NCKAP5: variants seen among roughly 807,000 people sequenced by gnomAD.
The protein encoded by NCKAP5 is NCK associated protein 5, also known as nck-associated protein 5.
A neutral mutation model predicts 167.0 loss-of-function variants in NCKAP5; 92 were observed. The observed-to-expected ratio is 0.55, with a 90% CI of 0.47 to 0.66. The LOEUF (loss-of-function observed/expected upper bound fraction) is 0.66, where lower values mean the gene tolerates loss of function less well. NCKAP5 is among the 30% of genes least tolerant of loss of function. The pLI is 0.00. For synonymous variants in NCKAP5, 891 were observed against 877.4 expected (o/e 1.02, Z -0.27); for missense variants, 2,378 against 2,315.0 (o/e 1.03, Z -0.56).
At position 133,166,747 on chromosome 2, in the gene NCKAP5, C is replaced by G. The variant is rs7566039; in HGVS notation, c.208-36636G>C. On this transcript the variant is annotated intron_variant, in intron 5 of 19. Coordinates refer to ENST00000409261, the MANE Select transcript of NCKAP5 (RefSeq NM_207363.3). The stretch of plus-strand genomic sequence containing the variant: ...GTCTTGGACTGTCTTTAAAATTCAT[C>G]ACATACATAAACTGAAAAACTGAAC... 7.7e-3 allele frequency among the ~76,000 whole-genome samples: 1,168 copies of G among 152,282 alleles called. 10 individuals carry two copies. Among genetic ancestry groups the G allele is most frequent in the African/African-American group, 0.027 (1,104 of 41,558 alleles).
At chr2:133,109,917 A>G (rs576095493) in intron 6 of NCKAP5, among the ~76,000 whole-genome samples, 150 of 152,368 alleles carry the variant, frequency 9.8e-4, no homozygotes, top group Non-Finnish European at 1.9e-3. Context: ...ATGGGCATTC[A>G]AGTAAATAAA....
At chr2:133,315,151 G>T (rs1311361496) in intron 3 of NCKAP5, among the ~76,000 whole-genome samples, 2 of 152,124 alleles carry the variant, frequency 1.3e-5, no homozygotes, top group African/African-American at 4.8e-5. Flanking sequence ...GTCTTGAATG[G>T]ATCCTTCTGG....
chr2:133,219,193 A>AC (rs2086555516), intron 4 of NCKAP5, among the ~76,000 whole-genome samples: 1 of 152,194 alleles, frequency 6.6e-6, no homozygotes, highest in Non-Finnish European at 1.5e-5. Flanking sequence ...GGTGATGCAA[A>AC]CATGGAAAAT....
At position 133,474,431 on chromosome 2, in the gene NCKAP5, G is replaced by A. The variant is rs138375093; in HGVS notation, c.69+43027C>T. Among the ~76,000 whole-genome samples the A allele has an allele frequency of 1.7e-3, 254 of 152,270 alleles. 3 individuals carry two copies. Among genetic ancestry groups the A allele is most frequent in the African/African-American group, 5.9e-3 (245 of 41,548 alleles). ...GGCAAGGATTGAGGAGATATTAGTC[G>A]AAGGACATAGAATTTCACTTAGACT... On this transcript the variant is annotated intron_variant, in intron 3 of 19. Transcript: ENST00000409261.
chr2:133,395,272 A>G (rs550434914), intron 3 of NCKAP5, among the ~76,000 whole-genome samples: 1 of 152,318 alleles, frequency 6.6e-6, no homozygotes, highest in South Asian at 2.1e-4. Flanking sequence ...AATTAACTCA[A>G]TGTCATCCAG....
At chr2:132,909,679 T>C (rs1237670211) in intron 8 of NCKAP5, among the ~76,000 whole-genome samples, 2 of 152,202 alleles carry the variant, frequency 1.3e-5, no homozygotes, top group South Asian at 2.1e-4. Flanking sequence ...TCCATTGGGA[T>C]AATTACTCCA....
intron 16 of NCKAP5, among the ~76,000 whole-genome samples, chr2:132,765,134 T>G (rs1043061675): frequency 3.3e-5 from 5 of 152,204 alleles, no homozygotes; most frequent in Non-Finnish European, 7.3e-5. Context: ...CATATGGTAG[T>G]GGCAAATTAA....
At position 133,303,864 on chromosome 2, in the gene NCKAP5, G is replaced by A. The variant is rs908192545; in HGVS notation, c.70-754C>T. Among the ~76,000 whole-genome samples the A allele has an allele frequency of 9.9e-5, 15 of 152,176 alleles. No individual in the cohort carries two copies. The East Asian group carries it at 2.9e-3, about 29-fold the overall frequency. On this transcript the variant is annotated intron_variant, in intron 3 of 19. Transcript: ENST00000409261. Reference sequence around the variant, plus strand: ...GATTTAATTTGTGATTTCTGCATACGAGGCTCATATGCAATGGTGTTTCCT... The same window carrying A: ...GATTTAATTTGTGATTTCTGCATACAAGGCTCATATGCAATGGTGTTTCCT...
intron 3 of NCKAP5, among the ~76,000 whole-genome samples, chr2:133,326,938 A>ACTGCTGCTG (rs149209722): frequency 2.0e-5 from 3 of 152,136 alleles, no homozygotes; most frequent in African/African-American, 7.2e-5. Flanking sequence ...CATACTCGCA[A>ACTGCTGCTG]CTGCTGCTGC....
Position 133,222,887 on chromosome 2 carries a change from T to C in NCKAP5, c.144-9108A>G, listed in dbSNP as rs549245819. ...GAACTTGTGCCTCTGTAGCTACCAT[T>C]GCCTGTTACCACTGTCTCTACTGCC... On this transcript the variant is annotated intron_variant, in intron 4 of 19. Coordinates refer to ENST00000409261, the MANE Select transcript of NCKAP5 (RefSeq NM_207363.3). 9.8e-5 allele frequency among the ~76,000 whole-genome samples: 15 copies of C among 152,342 alleles called. No individual in the cohort carries two copies. The South Asian group carries it at 3.1e-3, about 32-fold the overall frequency.
intron 4 of NCKAP5, among the ~76,000 whole-genome samples, chr2:133,221,291 C>G (rs980936302): frequency 6.6e-6 from 1 of 152,164 alleles, no homozygotes; most frequent in South Asian, 2.1e-4. Flanking sequence ...CCATAATACT[C>G]TCCATACAAA....
chr2:132,793,122 G>A (rs1328376734), intron 12 of NCKAP5, among the ~76,000 whole-genome samples: 1 of 152,202 alleles, frequency 6.6e-6, no homozygotes, highest in Non-Finnish European at 1.5e-5. Context: ...TGATTCTCCT[G>A]CCTCAGCCTT....
chr2:133,458,141 G>A (rs1357514914), intron 3 of NCKAP5, among the ~76,000 whole-genome samples: 2 of 152,180 alleles, frequency 1.3e-5, no homozygotes, highest in Non-Finnish European at 2.9e-5. Context: ...AAACTTTATT[G>A]AGTTTGGAGT....
chr2:133,595,529 G>A, the NCKAP5 span, among the ~76,000 whole-genome samples: 13 of 151,324 alleles, frequency 8.6e-5, no homozygotes, highest in East Asian at 2.5e-3. Context: ...GGCAAAGCAG[G>A]AAACTGAGGG....
At chr2:133,523,300 TCACACACACA>T in intron 2 of NCKAP5, among the ~76,000 whole-genome samples, 1 of 145,816 alleles carries the variant, frequency 6.9e-6, no homozygotes, top group East Asian at 2.0e-4. Flanking sequence ...ATACACACAG[TCACACACACA>T]CACACACACA....
At chr2:132,736,817 CA>C (rs376329224) in intron 16 of NCKAP5, among the ~76,000 whole-genome samples, 8 of 151,690 alleles carry the variant, frequency 5.3e-5, no homozygotes, top group East Asian at 1.9e-4. Context: ...AAATGAAAAA[CA>C]AAAAAAACCC....
At chr2:133,121,102 T>G (rs1350964761) in intron 6 of NCKAP5, among the ~76,000 whole-genome samples, 1 of 152,152 alleles carries the variant, frequency 6.6e-6, no homozygotes, top group African/African-American at 2.4e-5. Flanking sequence ...TGAAAATAAC[T>G]GCCAATTTGT....
intron 16 of NCKAP5, among the ~76,000 whole-genome samples, chr2:132,761,825 T>G (rs1017957327): frequency 6.6e-6 from 1 of 152,124 alleles, no homozygotes; most frequent in African/African-American, 2.4e-5. Flanking sequence ...CCTATATACC[T>G]CAAATCCCCA....
At chr2:132,712,337 C>G (rs1336996885) in intron 19 of NCKAP5, among the ~76,000 whole-genome samples, 1 of 152,164 alleles carries the variant, frequency 6.6e-6, no homozygotes, top group Non-Finnish European at 1.5e-5. Context: ...TTGGCTACCT[C>G]ATACCTTTTG....
Sources: gnomAD v4.1 joint callset for allele counts (sites outside exome capture counted in the v4.1 genomes callset) on GRCh38, gnomAD v4.1.1 for gene constraint, MANE v1.5 for transcripts, NCBI Gene and HGNC (gene_info 2026-07-23, HGNC 2026-07-21) for gene names.